PTPN23: variants seen among roughly 807,000 people sequenced by gnomAD.
PTPN23 encodes the protein protein tyrosine phosphatase non-receptor type 23, also known as tyrosine-protein phosphatase non-receptor type 23.
PTPN23 carries 72 observed loss-of-function variants against 156.3 expected under a neutral mutation model. The observed-to-expected ratio is 0.46, with a 90% CI of 0.38 to 0.56. The LOEUF is 0.56. Among genes scored for constraint, PTPN23 ranks in the 20% least tolerant of loss-of-function variants. The pLI, the probability that PTPN23 is intolerant of heterozygous loss-of-function variation, is 0.00. For missense variants in PTPN23, 1,974 were observed against 2,171.5 expected (o/e 0.91, Z 1.81); for synonymous variants, 957 against 899.6 (o/e 1.06, Z -1.14).
In PTPN23 at chr3:47,407,600, G is replaced by A; in HGVS notation, c.1003+16G>A. ...CCTGTAAAAGGTCGGGGAGCTGAGA[G>A]GTGGGGGCAGAGGTGACGGTGGGGT... On this transcript the variant is annotated intron_variant, in intron 12 of 24. Transcript: ENST00000265562. This position sits in a 1 kb window ranked among gnomAD's most constrained non-coding sequence, Gnocchi z 4.0. 1 of 1,610,944 alleles carries A rather than the reference G, an allele frequency of 6.2e-7. No individual in the cohort carries two copies. The highest frequency in any genetic ancestry group is 1.3e-5 in the African/African-American group (1 of 74,956).
chr3:47,382,485 C>A (rs946702952), intron 1 of PTPN23, among the ~76,000 whole-genome samples: 4 of 151,670 alleles, frequency 2.6e-5, no homozygotes, highest in African/African-American at 9.7e-5. Context: ...CCATGCCCGG[C>A]TAATTTTGTA....
rs556440567 is a variant in PTPN23 at position 47,407,147 on chromosome 3, C to T, written c.825C>T (p.Ser275=). 35 of 1,614,012 alleles carry T rather than the reference C, an allele frequency of 2.2e-5. No individual in the cohort carries two copies. The highest frequency in any genetic ancestry group is 1.8e-4 in the South Asian group (16 of 91,070). ...KFGERVAYFQ[S]ALDKLNEAIK... ...CTCCACAGGTTGCATACTTCCAGAGCGCCCTGGACAAGCTCAATGAAGCCA... is the reference window on the plus strand; with the variant it reads ...CTCCACAGGTTGCATACTTCCAGAGTGCCCTGGACAAGCTCAATGAAGCCA... Residue 275 remains serine (S), a synonymous_variant, in exon 10 of 25, where the codon AGC becomes AGT. Transcript: ENST00000265562. This position sits in a 1 kb window ranked among gnomAD's most constrained non-coding sequence, Gnocchi z 4.0.
At chr3:47,385,814 C>T (rs188216045) in intron 1 of PTPN23, among the ~76,000 whole-genome samples, 2 of 152,330 alleles carry the variant, frequency 1.3e-5, no homozygotes, top group East Asian at 3.9e-4. Context: ...CATCTCCCAT[C>T]CTCCCACTCT....
At chr3:47,409,883 G>C (rs752380416) in intron 19 of PTPN23, 45 bp from the exon 20 acceptor site, 4 of 1,585,798 alleles carry the variant, frequency 2.5e-6, no homozygotes, top group East Asian at 4.5e-5. Flanking sequence ...AGACAGGCTG[G>C]GGTGATGGGA....
intron 2 of PTPN23, among the ~76,000 whole-genome samples, chr3:47,402,044 G>C (rs1705005074): frequency 6.6e-6 from 1 of 152,182 alleles, no homozygotes; most frequent in Admixed American, 6.5e-5. Context: ...TCTGCAGGGG[G>C]CTGAGGGCAG....
chr3:47,396,434 G>C (rs1704880995), intron 2 of PTPN23: 2 of 358,114 alleles, frequency 5.6e-6, no homozygotes, highest in Non-Finnish European at 5.3e-6. Flanking sequence ...AATTAGGCAG[G>C]TGTGGTGTCA....
At chr3:47,396,048 A>C (rs1704872638) in intron 1 of PTPN23, 95 bp from the exon 2 acceptor site, 1 of 927,000 alleles carries the variant, frequency 1.1e-6, no homozygotes, top group Non-Finnish European at 1.7e-6. Flanking sequence ...GTAGGTCTGC[A>C]CTTAATCCTG....
At chr3:47,398,583 C>T (rs1018328896) in intron 2 of PTPN23, among the ~76,000 whole-genome samples, 2 of 149,884 alleles carry the variant, frequency 1.3e-5, no homozygotes, top group Non-Finnish European at 3.0e-5. Flanking sequence ...TTTTTTTTCC[C>T]GAGACAGGGT....
chr3:47,413,218 T>C lies in PTPN23; in HGVS notation c.*33T>C. 1 of 1,456,422 alleles carries C rather than the reference T, an allele frequency of 6.9e-7. No individual in the cohort carries two copies. Among genetic ancestry groups the C allele is most frequent in the Non-Finnish European group, 9.4e-7 (1 of 1,062,304 alleles). The allele number at this position is 1,456,422 out of a possible 1,614,324, so 90.2% of individuals were successfully genotyped here. A position where few individuals can be genotyped will look rare whatever the true frequency, so the allele number is the denominator to read the frequency against. ...TTGCCTACCTGGTCCTTACACTACA[T>C]CATCATCATCTCATGCCCACCTGCC... is the stretch of plus-strand genomic sequence containing the variant. On this transcript the variant is annotated 3_prime_UTR_variant, in exon 25 of 25. Coordinates refer to ENST00000265562, the MANE Select transcript of PTPN23 (RefSeq NM_015466.4).
chr3:47,407,596 G>T lies in PTPN23; in HGVS notation c.1003+12G>T. ...TCAGCCTGTAAAAGGTCGGGGAGCT[G>T]AGAGGTGGGGGCAGAGGTGACGGTG... On this transcript the variant is annotated intron_variant, in intron 12 of 24. Coordinates refer to ENST00000265562, the MANE Select transcript of PTPN23 (RefSeq NM_015466.4). The surrounding 1 kb of genome is among the most constrained non-coding windows in gnomAD (Gnocchi z 4.0). The T allele has an allele frequency of 6.2e-7, 1 of 1,611,842 alleles. No homozygotes were observed. The highest frequency in any genetic ancestry group is 8.5e-7 in the Non-Finnish European group (1 of 1,177,970).
At chr3:47,408,215 G>A (rs2107718063) in intron 14 of PTPN23, 130 bp from the exon 15 acceptor site, 1 of 1,292,746 alleles carries the variant, frequency 7.7e-7, no homozygotes, top group East Asian at 2.4e-5. Context: ...TGGTAGTAGG[G>A]GTCCGAGGTC....
At chr3:47,383,234 G>A (rs965051322) in intron 1 of PTPN23, among the ~76,000 whole-genome samples, 2 of 152,096 alleles carry the variant, frequency 1.3e-5, no homozygotes, top group African/African-American at 4.8e-5. Context: ...CTGTGCCGTT[G>A]GTCATGGAAT....
chr3:47,406,453 C>T lies in PTPN23; in HGVS notation c.628-28C>T. ...GCCTTCACTTTACTGCTGACTCCCCCACTCATTGGGCCCCACCCTGTTCTC... is the reference window on the plus strand; with the variant it reads ...GCCTTCACTTTACTGCTGACTCCCCTACTCATTGGGCCCCACCCTGTTCTC... On this transcript the variant is annotated intron_variant, in intron 7 of 24. Transcript: ENST00000265562. This position sits in a 1 kb window ranked among gnomAD's most constrained non-coding sequence, Gnocchi z 5.8. 5 of 1,613,922 alleles carry T rather than the reference C, an allele frequency of 3.1e-6. No homozygotes were observed. The highest frequency in any genetic ancestry group is 4.2e-6 in the Non-Finnish European group (5 of 1,179,974).
Position 47,381,095 on chromosome 3 carries a change from C to G in PTPN23, c.-2C>G, listed in dbSNP as rs1256502669. On this transcript the variant is annotated 5_prime_UTR_variant, in exon 1 of 25. Transcript: ENST00000265562. ...CCGGGTGGCCGGCGGGTGCCAGCCGCCATGGAGGCCGTGCCCCGCATGCCC... is the reference window on the plus strand; with the variant it reads ...CCGGGTGGCCGGCGGGTGCCAGCCGGCATGGAGGCCGTGCCCCGCATGCCC... The G allele has an allele frequency of 6.4e-7, 1 of 1,570,526 alleles. No homozygotes were observed. Among genetic ancestry groups the G allele is most frequent in the East Asian group, 2.4e-5 (1 of 41,750 alleles).
chr3:47,413,208 T>A lies in PTPN23; in HGVS notation c.*23T>A. ...TGAACAGGTTTTGCCTACCTGGTCC[T>A]TACACTACATCATCATCATCTCATG... On this transcript the variant is annotated 3_prime_UTR_variant, in exon 25 of 25. Coordinates refer to ENST00000265562, the MANE Select transcript of PTPN23 (RefSeq NM_015466.4). 1 of 1,589,630 alleles carries A rather than the reference T, an allele frequency of 6.3e-7. No homozygotes were observed. The highest frequency in any genetic ancestry group is 8.6e-7 in the Non-Finnish European group (1 of 1,166,460).
chr3:47,405,638 T>G lies in PTPN23; in HGVS notation c.365-111T>G. 1 of 1,152,072 alleles carries G rather than the reference T, an allele frequency of 8.7e-7. No homozygotes were observed. Among genetic ancestry groups the G allele is most frequent in the East Asian group, 2.6e-5 (1 of 39,198 alleles). The allele number at this position is 1,152,072 out of a possible 1,614,324, so 71.4% of individuals were successfully genotyped here. On this transcript the variant is annotated intron_variant, in intron 4 of 24. Transcript: ENST00000265562. The surrounding 1 kb of genome is among the most constrained non-coding windows in gnomAD (Gnocchi z 4.7). ...GGTGTCCTTGGACTCGTTGCCCTGG[T>G]TCTCAGAGCCATGTTGTCCTGATTG...
In PTPN23 at chr3:47,381,118, C is replaced by A; in HGVS notation, c.22C>A (p.Pro8Thr). The change falls in exon 1 of 25, where the codon CCC (proline) becomes ACC (threonine). Residue 8 changes from proline to threonine, a missense_variant. Physicochemically the swap from Pro to Thr is conservative, Grantham distance 38. This residue lies in a region of PTPN23 where 726 missense variants were observed against 929.5 expected (regional missense o/e 0.78). Coordinates refer to ENST00000265562, the MANE Select transcript of PTPN23 (RefSeq NM_015466.4). ...CGCCATGGAGGCCGTGCCCCGCATG[C>A]CCATGATCTGGCTGGACCTGAAGGA... MEAVPRM[P>T]MIWLDLKEAG... 1 of 1,586,104 alleles carries A rather than the reference C, an allele frequency of 6.3e-7. No individual in the cohort carries two copies. Among genetic ancestry groups the A allele is most frequent in the Admixed American group, 1.8e-5 (1 of 56,138 alleles).
intron 1 of PTPN23, among the ~76,000 whole-genome samples, chr3:47,390,010 T>C (rs573834292): frequency 1.4e-4 from 21 of 150,154 alleles, no homozygotes; most frequent in Middle Eastern, 3.4e-3. Context: ...GAGGTGGAGG[T>C]TGCAGTAAGC....
intron 1 of PTPN23, among the ~76,000 whole-genome samples, chr3:47,386,931 A>G (rs1704665826): frequency 6.6e-6 from 1 of 152,208 alleles, no homozygotes; most frequent in African/African-American, 2.4e-5. Context: ...ACGTAATAAA[A>G]TATTTGTATA....
Sources: gnomAD v4.1 joint callset for allele counts (sites outside exome capture counted in the v4.1 genomes callset) on GRCh38, gnomAD v4.1.1 for gene constraint, gnomAD v4.1.1 regional missense constraint, Gnocchi (gnomAD v3.1) non-coding constraint, MANE v1.5 for transcripts, NCBI Gene and HGNC (gene_info 2026-07-23, HGNC 2026-07-21) for gene names.